WWOX: variants seen among roughly 807,000 people sequenced by gnomAD.
WWOX encodes WW domain containing oxidoreductase.
A neutral mutation model predicts 46.2 loss-of-function variants in WWOX; 69 were observed. That is an observed-to-expected ratio of 1.49 (90% CI 1.23 to 1.82). WWOX has a LOEUF of 1.82. WWOX is among the 40% of genes most tolerant of loss of function. The pLI is 0.00. For missense variants in WWOX, 919 were observed against 542.6 expected (o/e 1.69, Z -6.89); for synonymous variants, 359 against 202.6 (o/e 1.77, Z -6.56).
intron 8 of WWOX, among the ~76,000 whole-genome samples, chr16:78,569,090 C>T (rs1280650342): frequency 3.3e-5 from 5 of 152,150 alleles, no homozygotes; most frequent in Non-Finnish European, 7.3e-5. Context: ...GTCTGAGGAA[C>T]ACTCAGGTTT....
intron 5 of WWOX, among the ~76,000 whole-genome samples, chr16:78,379,625 G>A (rs59169612): frequency 0.15 from 22,898 of 152,204 alleles, 2,136 homozygotes; most frequent in East Asian, 0.36. Flanking sequence ...CACAAGATGG[G>A]AGTATTTTGA....
intron 8 of WWOX, among the ~76,000 whole-genome samples, chr16:78,753,142 A>G (rs1475715963): frequency 6.6e-6 from 1 of 152,006 alleles, no homozygotes; most frequent in Non-Finnish European, 1.5e-5. Flanking sequence ...TAATAATACA[A>G]AAACAAAATT....
At chr16:78,376,229 A>G (rs1477510051) in intron 5 of WWOX, among the ~76,000 whole-genome samples, 3 of 151,494 alleles carry the variant, frequency 2.0e-5, no homozygotes, top group Non-Finnish European at 2.9e-5. Context: ...TTTTACTGAT[A>G]AGGAAGCTCA....
chr16:78,187,077 T>G (rs766431030), intron 5 of WWOX, among the ~76,000 whole-genome samples: 1 of 152,228 alleles, frequency 6.6e-6, no homozygotes, highest in Non-Finnish European at 1.5e-5. Flanking sequence ...ATAGTCAGGA[T>G]ACAGAACTGT....
At chr16:78,104,304 T>C (rs2031999965) in intron 1 of WWOX, among the ~76,000 whole-genome samples, 1 of 149,322 alleles carries the variant, frequency 6.7e-6, no homozygotes, top group Non-Finnish European at 1.5e-5. Context: ...TAGATCTCCC[T>C]GCTAACTTAC....
intron 8 of WWOX, among the ~76,000 whole-genome samples, chr16:78,493,722 G>A (rs182193663): frequency 3.6e-4 from 55 of 152,230 alleles, no homozygotes; most frequent in Admixed American, 3.9e-4. Flanking sequence ...CCTCGCAACA[G>A]TCTTACCCCC....
At chr16:78,812,268 G>T (rs1597654376) in intron 8 of WWOX, among the ~76,000 whole-genome samples, 1 of 152,092 alleles carries the variant, frequency 6.6e-6, no homozygotes, top group East Asian at 1.9e-4. Flanking sequence ...CTGTGAGGGT[G>T]GACATTATAG....
intron 8 of WWOX, among the ~76,000 whole-genome samples, chr16:78,862,371 ATATAGAG>A: frequency 6.6e-6 from 1 of 151,352 alleles, no homozygotes; most frequent in Non-Finnish European, 1.5e-5. Context: ...ACACTATAGT[ATATAGAG>A]TATACATATA....
At chr16:79,119,681 G>C (rs985174894) in intron 8 of WWOX, among the ~76,000 whole-genome samples, 1 of 152,184 alleles carries the variant, frequency 6.6e-6, no homozygotes, top group African/African-American at 2.4e-5. Flanking sequence ...CCAGCCGGGA[G>C]GACAGTATGC....
At chr16:78,427,085 G>C (rs2083098194) in intron 7 of WWOX, among the ~76,000 whole-genome samples, 1 of 152,166 alleles carries the variant, frequency 6.6e-6, no homozygotes, top group South Asian at 2.1e-4. Flanking sequence ...TGCGTAGGTG[G>C]TACGTGAAGA....
intron 8 of WWOX, among the ~76,000 whole-genome samples, chr16:78,541,779 C>G (rs971661578): frequency 2.0e-5 from 3 of 151,984 alleles, no homozygotes; most frequent in Admixed American, 1.3e-4. Context: ...ATGGGTTAGG[C>G]ACAGACCTAG....
chr16:78,337,315 T>C (rs1044818258), intron 5 of WWOX, among the ~76,000 whole-genome samples: 9 of 152,160 alleles, frequency 5.9e-5, no homozygotes, highest in Admixed American at 5.2e-4. Context: ...TACAAAGTAA[T>C]TGAGTATATA....
At chr16:79,191,893 G>T (rs566943115) in intron 8 of WWOX, among the ~76,000 whole-genome samples, 5 of 152,266 alleles carry the variant, frequency 3.3e-5, no homozygotes, top group African/African-American at 1.2e-4. Flanking sequence ...AACAAAATTA[G>T]TGGAAAAACA....
intron 5 of WWOX, among the ~76,000 whole-genome samples, chr16:78,267,686 C>G (rs1369163463): frequency 6.6e-6 from 1 of 152,044 alleles, no homozygotes; most frequent in African/African-American, 2.4e-5. Flanking sequence ...CCTGTGAGGT[C>G]CTCATCCTGC....
chr16:78,291,025 C>G (rs2079849063), intron 5 of WWOX, among the ~76,000 whole-genome samples: 1 of 152,134 alleles, frequency 6.6e-6, no homozygotes, highest in Admixed American at 6.5e-5. Flanking sequence ...TTACATTATA[C>G]TTAGGCTGGT....
At chr16:78,895,532 C>G (rs1053528306) in intron 8 of WWOX, 2 of 152,112 alleles carry the variant, frequency 1.3e-5, no homozygotes, top group Admixed American at 6.6e-5. Flanking sequence ...TATTTGTTGT[C>G]AAATTTACAC....
chr16:78,368,302 C>G (rs556253294), intron 5 of WWOX, among the ~76,000 whole-genome samples: 1 of 152,148 alleles, frequency 6.6e-6, no homozygotes, highest in African/African-American at 2.4e-5. Context: ...TGAGTGATGA[C>G]AGGTGATACT....
chr16:78,738,187 G>A (rs1002778652), intron 8 of WWOX, among the ~76,000 whole-genome samples: 1 of 152,108 alleles, frequency 6.6e-6, no homozygotes, highest in Non-Finnish European at 1.5e-5. Context: ...AGTTCAGAAG[G>A]TTGTTACTGA....
chr16:79,039,186 G>C (rs2047924888), intron 8 of WWOX, among the ~76,000 whole-genome samples: 1 of 152,080 alleles, frequency 6.6e-6, no homozygotes, highest in Admixed American at 6.5e-5. Context: ...TTACGGTTTT[G>C]AACCCAGGAC....
Sources: gnomAD v4.1 joint callset for allele counts (sites outside exome capture counted in the v4.1 genomes callset) on GRCh38, gnomAD v4.1.1 for gene constraint, MANE v1.5 for transcripts, NCBI Gene and HGNC (gene_info 2026-07-23, HGNC 2026-07-21) for gene names.